The following ROCK2 variants were observed in gnomAD, a reference collection of about 807,000 sequenced individuals.
The protein encoded by ROCK2 is Rho associated coiled-coil containing protein kinase 2, also known as rho-associated protein kinase 2.
Under a neutral mutation model 195.1 loss-of-function variants are expected in ROCK2, and 61 were observed. That is an observed-to-expected ratio of 0.31 (90% CI 0.25 to 0.39). The LOEUF is 0.39. ROCK2 is among the 10% of genes least tolerant of loss of function. The pLI is 1.00. For missense variants in ROCK2, 1,109 were observed against 1,637.4 expected (o/e 0.68, Z 5.57); for synonymous variants, 504 against 545.5 (o/e 0.92, Z 1.06).
chr2:11,217,663 G>A (rs942120659), intron 11 of ROCK2: 1 of 164,020 alleles, frequency 6.1e-6, no homozygotes, highest in African/African-American at 2.4e-5. Context: ...TTACCGAGGA[G>A]TAATCAATAA....
intron 3 of ROCK2, among the ~76,000 whole-genome samples, chr2:11,262,782 T>C (rs1007323750): frequency 3.9e-5 from 6 of 152,188 alleles, no homozygotes; most frequent in Admixed American, 3.3e-4. Flanking sequence ...AACAGACTAA[T>C]ACACTTGGAA....
At chr2:11,321,931 G>C (rs181506847) in intron 1 of ROCK2, among the ~76,000 whole-genome samples, 13 of 152,114 alleles carry the variant, frequency 8.5e-5, no homozygotes, top group Admixed American at 7.9e-4. Context: ...TTAAAAATAG[G>C]GCCTTTAAAG....
chr2:11,290,427 C>T (rs1667325669), intron 1 of ROCK2, among the ~76,000 whole-genome samples: 1 of 151,986 alleles, frequency 6.6e-6, no homozygotes, highest in African/African-American at 2.4e-5. Flanking sequence ...AGCAAGACCC[C>T]ATCTCATTTT....
intron 5 of ROCK2, among the ~76,000 whole-genome samples, chr2:11,230,121 T>G (rs1664951776): frequency 6.6e-6 from 1 of 152,182 alleles, no homozygotes; most frequent in African/African-American, 2.4e-5. Flanking sequence ...CTCTGTCAGC[T>G]GGCAGGGCCT....
At chr2:11,261,908 G>C (rs570566788) in intron 3 of ROCK2, among the ~76,000 whole-genome samples, 18 of 152,266 alleles carry the variant, frequency 1.2e-4, no homozygotes, top group African/African-American at 4.3e-4. Flanking sequence ...GAACTATGTG[G>C]CCAATTTATC....
At position 11,216,190 on chromosome 2, in the gene ROCK2, G is replaced by T; in HGVS notation, c.1429C>A (p.Leu477Ile). 6.2e-7 allele frequency: 1 copy of T among 1,611,666 alleles called. No individual in the cohort carries two copies. The highest frequency in any genetic ancestry group is 8.5e-7 in the Non-Finnish European group (1 of 1,178,032). Residue 477 changes from leucine (L) to isoleucine (I), a missense_variant, in exon 13 of 33, where the codon CTA becomes ATA. Coordinates refer to ENST00000315872, the MANE Select transcript of ROCK2 (RefSeq NM_004850.5). ...EQKCKSVNTR[L>I]EKTAKELEEE... The stretch of plus-strand genomic sequence containing the variant: ...TCTAGCTCCTTTGCTGTTTTTTCTA[G>T]GCGAGTATTAACAGATCTAAAGAAT...
chr2:11,250,696 A>G (rs1020496286), intron 3 of ROCK2, among the ~76,000 whole-genome samples: 4 of 152,136 alleles, frequency 2.6e-5, no homozygotes, highest in African/African-American at 4.8e-5. Context: ...TTTTTCTCTC[A>G]AACAACTTAT....
At chr2:11,227,578 C>T (rs775768012) in intron 5 of ROCK2, among the ~76,000 whole-genome samples, 180 bp from the exon 6 acceptor site, 4 of 152,044 alleles carry the variant, frequency 2.6e-5, no homozygotes, top group Non-Finnish European at 5.9e-5. Flanking sequence ...CATTAAAATG[C>T]CTAAATTATG....
chr2:11,308,326 T>C (rs946005979), intron 1 of ROCK2: 36 of 1,142,470 alleles, frequency 3.2e-5, no homozygotes, highest in Non-Finnish European at 4.5e-5. Flanking sequence ...AGAATATTCT[T>C]ACATATAATA....
chr2:11,211,271 C>G (rs953691194), intron 18 of ROCK2, among the ~76,000 whole-genome samples: 5 of 152,102 alleles, frequency 3.3e-5, no homozygotes, highest in Admixed American at 1.3e-4. Flanking sequence ...CATAAACTGG[C>G]AAGAATTTTA....
In ROCK2 at chr2:11,343,985, C is replaced by T; in HGVS notation, c.141+11G>A. On this transcript the variant is annotated intron_variant, in intron 1 of 32. Transcript: ENST00000315872. ...CTGCAACGAGCAAGCTCCCAGGCCC[C>T]GGCCACCTACCAGCAAGCTCTCCAC... The T allele has an allele frequency of 6.3e-7, 1 of 1,585,054 alleles. No homozygotes were observed. Among genetic ancestry groups the T allele is most frequent in the African/African-American group, 1.4e-5 (1 of 71,454 alleles).
chr2:11,302,025 C>T (rs1260419935), intron 1 of ROCK2, among the ~76,000 whole-genome samples: 8 of 151,982 alleles, frequency 5.3e-5, no homozygotes, highest in Non-Finnish European at 8.8e-5. Flanking sequence ...AGGCTGGTCT[C>T]GAATTCCAGA....
At chr2:11,267,313 G>A (rs1195770768) in intron 3 of ROCK2, among the ~76,000 whole-genome samples, 2 of 152,038 alleles carry the variant, frequency 1.3e-5, no homozygotes, top group African/African-American at 4.8e-5. Flanking sequence ...TGCTATAGGT[G>A]GGAACTCAGA....
At chr2:11,234,801 G>C (rs1218513292) in intron 5 of ROCK2, 1 of 152,026 alleles carries the variant, frequency 6.6e-6, no homozygotes, top group Non-Finnish European at 1.5e-5. Context: ...CTTAGAAGTT[G>C]GAATGCTGAT....
chr2:11,284,085 C>T (rs1382115318), intron 3 of ROCK2, among the ~76,000 whole-genome samples: 2 of 152,034 alleles, frequency 1.3e-5, no homozygotes, highest in East Asian at 3.8e-4. Context: ...AAGTAATAAG[C>T]TAAAGGATCA....
In ROCK2 at chr2:11,282,607, C is replaced by CAAAAAAAAAAAAAAAAAAAAAAAAAAAA. The variant is rs70953381; in HGVS notation, c.324+3931_324+3932insTTTTTTTTTTTTTTTTTTTTTTTTTTTT. ...GCTGGAATAACTGAATATCTACATG[C>CAAAAAAAAAAAAAAAAAAAAAAAAAAAA]AAAAAAAAAAAAAAGAATCAAGACC... On this transcript the variant is annotated intron_variant, in intron 3 of 32. Transcript: ENST00000315872. Among the ~76,000 whole-genome samples, 19 of 123,344 alleles carry CAAAAAAAAAAAAAAAAAAAAAAAAAAAA rather than the reference C, an allele frequency of 1.5e-4. 1 individual carries two copies. Among genetic ancestry groups the CAAAAAAAAAAAAAAAAAAAAAAAAAAAA allele is most frequent in the African/African-American group, 2.0e-4 (6 of 30,342 alleles). The allele number at this position is 123,344 out of a possible 152,430, so 80.9% of individuals were successfully genotyped here.
Position 11,185,135 on chromosome 2 carries a change from C to T in ROCK2, c.4164-1695G>A, listed in dbSNP as rs149181151. ...CACATTTGTCAATGTTCCCCTTCAC[C>T]AAAGTGGTCAGATTGTCAGCTCAGT... On this transcript the variant is annotated intron_variant, in intron 32 of 32. Transcript: ENST00000315872. 1.7e-3 allele frequency among the ~76,000 whole-genome samples: 263 copies of T among 152,266 alleles called. 1 individual carries two copies. Among genetic ancestry groups the T allele is most frequent in the African/African-American group, 6.0e-3 (251 of 41,544 alleles).
At chr2:11,213,003 A>G (rs888232285) in intron 17 of ROCK2, among the ~76,000 whole-genome samples, 2 of 152,180 alleles carry the variant, frequency 1.3e-5, no homozygotes, top group South Asian at 2.1e-4. Context: ...GCATCACTAT[A>G]TATCTTGTCA....
At chr2:11,318,220 G>A (rs866672823) in intron 1 of ROCK2, among the ~76,000 whole-genome samples, 20 of 152,146 alleles carry the variant, frequency 1.3e-4, no homozygotes, top group African/African-American at 4.8e-4. Context: ...CTAGTTTACA[G>A]TCCCACCAAC....
Sources: gnomAD v4.1 joint callset for allele counts (sites outside exome capture counted in the v4.1 genomes callset) on GRCh38, gnomAD v4.1.1 for gene constraint, MANE v1.5 for transcripts, NCBI Gene and HGNC (gene_info 2026-07-23, HGNC 2026-07-21) for gene names.